Variants in BMPER observed in about 807,000 individuals in gnomAD.
BMPER encodes the protein BMP-binding endothelial regulator protein.
BMPER carries 45 observed loss-of-function variants against 87.3 expected under a neutral mutation model. The observed-to-expected ratio is 0.52, with a 90% CI of 0.41 to 0.66. The LOEUF (loss-of-function observed/expected upper bound fraction) is 0.66, where lower values mean the gene tolerates loss of function less well. Among genes scored for constraint, BMPER ranks in the 30% least tolerant of loss-of-function variants. BMPER has a pLI of 0.00. For synonymous variants in BMPER, 326 were observed against 316.2 expected (o/e 1.03, Z -0.33); for missense variants, 784 against 867.5 (o/e 0.90, Z 1.21).
chr7:34,032,586 A>G (rs1262866299), intron 6 of BMPER, among the ~76,000 whole-genome samples: 1 of 152,182 alleles, frequency 6.6e-6, no homozygotes, highest in African/African-American at 2.4e-5. Context: ...CTTTTTGCTT[A>G]TACTATTGGG....
At chr7:34,072,860 C>CT (rs1253552358) in intron 11 of BMPER, among the ~76,000 whole-genome samples, 1 of 152,136 alleles carries the variant, frequency 6.6e-6, no homozygotes, top group Non-Finnish European at 1.5e-5. Flanking sequence ...TAGGTTATCC[C>CT]TATTCAAATG....
At chr7:34,048,695 G>A (rs1285712775) in intron 7 of BMPER, among the ~76,000 whole-genome samples, 1 of 152,190 alleles carries the variant, frequency 6.6e-6, no homozygotes, top group African/African-American at 2.4e-5. Flanking sequence ...AACAGCTACT[G>A]TATTGAATGC....
At chr7:34,040,092 G>A (rs1322975893) in intron 6 of BMPER, among the ~76,000 whole-genome samples, 5 of 152,100 alleles carry the variant, frequency 3.3e-5, no homozygotes, top group Non-Finnish European at 5.9e-5. Context: ...GAGGGGCTAT[G>A]TGGAGCTGAA....
intron 3 of BMPER, among the ~76,000 whole-genome samples, chr7:33,954,171 G>A (rs973566881): frequency 6.6e-6 from 1 of 152,168 alleles, no homozygotes; most frequent in Non-Finnish European, 1.5e-5. Flanking sequence ...ATGATGTGTT[G>A]TATGTACCAA....
At chr7:34,086,197 A>G in intron 13 of BMPER, 105 bp downstream of exon 13, 1 of 1,319,882 alleles carries the variant, frequency 7.6e-7, no homozygotes, top group Non-Finnish European at 1.1e-6. Context: ...CAAAGGCTCA[A>G]AACCCAGGGT....
At chr7:33,939,761 T>C (rs1241120900) in intron 3 of BMPER, among the ~76,000 whole-genome samples, 4 of 152,178 alleles carry the variant, frequency 2.6e-5, no homozygotes, top group African/African-American at 9.7e-5. Context: ...ATTGTAACTT[T>C]CCTGAGGCCT....
chr7:34,056,818 A>G (rs1309057874), intron 9 of BMPER, among the ~76,000 whole-genome samples: 3 of 152,046 alleles, frequency 2.0e-5, no homozygotes, highest in Admixed American at 1.3e-4. Context: ...GGATATTGCC[A>G]TGTTGGTCAG....
rs537067737 is a variant in BMPER at position 33,910,046 on chromosome 7, T to C, written c.219+3143T>C. On this transcript the variant is annotated intron_variant, in intron 2 of 14. Transcript: ENST00000649409. ...TGTTAGCTGGTGATGGAATCTCGTT[T>C]TAAAGTATGTGGCCCAAAAAGCTTC... is the stretch of plus-strand genomic sequence containing the variant. Among the ~76,000 whole-genome samples, 9 of 152,302 alleles carry C rather than the reference T, an allele frequency of 5.9e-5. No individual in the cohort carries two copies. In the East Asian group the frequency reaches 1.7e-3, roughly 29 times the overall value.
At chr7:34,150,485 C>T (rs185566127) in intron 14 of BMPER, among the ~76,000 whole-genome samples, 1 of 152,080 alleles carries the variant, frequency 6.6e-6, no homozygotes, top group Non-Finnish European at 1.5e-5. Context: ...CATTTGTGAC[C>T]ACCATTAGTC....
At chr7:33,962,374 T>G (rs1785293943) in intron 3 of BMPER, among the ~76,000 whole-genome samples, 1 of 152,152 alleles carries the variant, frequency 6.6e-6, no homozygotes, top group African/African-American at 2.4e-5. Flanking sequence ...TTAGGCTCAT[T>G]GTTGTATTAT....
At chr7:33,905,023 C>G (rs1783770896), upstream of BMPER, 1 of 156,916 alleles carries the variant, frequency 6.4e-6, no homozygotes. Flanking sequence ...GCAGCTATCG[C>G]GCAGTCCCTC....
intron 2 of BMPER, among the ~76,000 whole-genome samples, chr7:33,910,990 A>G (rs1384424337): frequency 6.6e-6 from 1 of 152,226 alleles, no homozygotes; most frequent in Admixed American, 6.5e-5. Flanking sequence ...TCATGTGTGT[A>G]TGCACGTGTG....
At position 34,154,392 on chromosome 7, in the gene BMPER, G is replaced by A. The variant is rs1339711925; in HGVS notation, c.*1119G>A. ...TTACCATTTGATTGTCTTGACTTTC[G>A]TCTTCAGTTGAATTGGTGAAAACAT... On this transcript the variant is annotated 3_prime_UTR_variant, in exon 15 of 15. Transcript: ENST00000649409. 1.3e-5 allele frequency: 2 copies of A among 152,022 alleles called. No homozygotes were observed. Among genetic ancestry groups the A allele is most frequent in the African/African-American group, 4.8e-5 (2 of 41,388 alleles). 9.4% of individuals were successfully genotyped at this position (152,022 alleles called of 1,614,324 possible). A position where few individuals can be genotyped will look rare whatever the true frequency, so the allele number is the denominator to read the frequency against.
chr7:34,054,121 C>T (rs1788216110), intron 8 of BMPER, among the ~76,000 whole-genome samples: 1 of 152,162 alleles, frequency 6.6e-6, no homozygotes, highest in Admixed American at 6.5e-5. Context: ...ATTATAATTG[C>T]AATTTGCTTG....
At chr7:34,115,362 A>G (rs537246337) in intron 13 of BMPER, among the ~76,000 whole-genome samples, 3 of 152,224 alleles carry the variant, frequency 2.0e-5, no homozygotes, top group Admixed American at 6.5e-5. Flanking sequence ...CACATATATA[A>G]TTCACCCATT....
intron 2 of BMPER, among the ~76,000 whole-genome samples, chr7:33,922,398 G>T (rs1444394793): frequency 2.0e-5 from 3 of 152,144 alleles, no homozygotes; most frequent in African/African-American, 7.2e-5. Flanking sequence ...TATACAAAAG[G>T]CATTACAGCA....
At position 34,154,699 on chromosome 7, in the gene BMPER, G is replaced by A. The variant is rs752049572; in HGVS notation, c.*1426G>A. The A allele has an allele frequency of 6.7e-6, 1 of 149,948 alleles. No individual in the cohort carries two copies. Among genetic ancestry groups the A allele is most frequent in the Non-Finnish European group, 1.5e-5 (1 of 67,552 alleles). 9.3% of individuals were successfully genotyped at this position (149,948 alleles called of 1,614,324 possible). ...GCCAATGCTCGTCAAAGACATTTAT[G>A]TTTCTTTTACATTCATGACAGCTAA... On this transcript the variant is annotated 3_prime_UTR_variant, in exon 15 of 15. Coordinates refer to ENST00000649409, the MANE Select transcript of BMPER (RefSeq NM_001365308.1).
intron 11 of BMPER, among the ~76,000 whole-genome samples, chr7:34,068,366 G>A (rs1788649936): frequency 6.6e-6 from 1 of 152,246 alleles, no homozygotes; most frequent in South Asian, 2.1e-4. Context: ...AGAAGGGGAA[G>A]AGAAGGTCTG....
At chr7:34,105,053 T>C (rs1789784111) in intron 13 of BMPER, among the ~76,000 whole-genome samples, 1 of 152,148 alleles carries the variant, frequency 6.6e-6, no homozygotes, top group African/African-American at 2.4e-5. Context: ...TGGCTAGGAA[T>C]GTGTGGTGTG....
Sources: allele counts gnomAD v4.1 joint callset (sites outside exome capture counted in the v4.1 genomes callset), GRCh38; gene constraint gnomAD v4.1.1; transcripts MANE v1.5; gene names NCBI Gene and HGNC (gene_info 2026-07-23, HGNC 2026-07-21).